EDA: variants seen among roughly 807,000 people sequenced by gnomAD.
EDA encodes ectodysplasin A.
EDA carries 2 observed loss-of-function variants against 23.6 expected under a neutral mutation model. The observed-to-expected ratio is 0.08, with a 90% CI of 0.03 to 0.27. EDA has a LOEUF of 0.27. EDA is among the 10% of genes least tolerant of loss of function. The probability of loss-of-function intolerance (pLI) is 1.00; values close to 1 mark genes in which losing one functional copy is unlikely to be tolerated. For missense variants in EDA, 229 were observed against 324.2 expected (o/e 0.71, Z 2.26); for synonymous variants, 131 against 132.0 (o/e 0.99, Z 0.05).
At chrX:69,970,783 G>A (rs1240638249) in intron 2 of EDA, among the ~76,000 whole-genome samples, 4 of 111,279 alleles carry the variant, frequency 3.6e-5, no homozygotes, top group Non-Finnish European at 7.5e-5. Context: ...TGCTGTCAAC[G>A]AAGTAGACCT....
chrX:69,982,261 C>T (rs1359578626), intron 2 of EDA, among the ~76,000 whole-genome samples: 1 of 111,735 alleles, frequency 8.9e-6, no homozygotes, highest in East Asian at 2.8e-4. Flanking sequence ...CTTACTTTTA[C>T]TTTACAGTAA....
At chrX:69,810,574 T>C (rs925140795) in intron 1 of EDA, among the ~76,000 whole-genome samples, 1 of 108,047 alleles carries the variant, frequency 9.3e-6, no homozygotes, top group African/African-American at 3.4e-5. Context: ...CTGGCCAACA[T>C]GGTGAAACCG....
At chrX:69,725,009 T>G (rs938624630) in intron 1 of EDA, among the ~76,000 whole-genome samples, 7 of 112,341 alleles carry the variant, frequency 6.2e-5, no homozygotes, top group Non-Finnish European at 9.4e-5. Flanking sequence ...GTCAGATAAC[T>G]CAAATATTTG....
At chrX:69,742,717 G>A (rs1236665090) in intron 1 of EDA, among the ~76,000 whole-genome samples, 1 of 110,780 alleles carries the variant, frequency 9.0e-6, no homozygotes, top group African/African-American at 3.3e-5. Context: ...TTGGTAATCA[G>A]CCAATACTCA....
At chrX:69,743,842 G>A (rs1327331059) in intron 1 of EDA, among the ~76,000 whole-genome samples, 1 of 111,706 alleles carries the variant, frequency 9.0e-6, no homozygotes, top group East Asian at 2.8e-4. Flanking sequence ...TTTTGGAAAT[G>A]TATTTCATTT....
At chrX:69,973,330 T>C (rs1053628066) in intron 2 of EDA, among the ~76,000 whole-genome samples, 1 of 111,274 alleles carries the variant, frequency 9.0e-6, no homozygotes, top group African/African-American at 3.3e-5. Flanking sequence ...AACTACAACC[T>C]CAAATGTCTT....
chrX:69,875,382 AG>A (rs1394037785), intron 1 of EDA, among the ~76,000 whole-genome samples: 1 of 112,078 alleles, frequency 8.9e-6, no homozygotes, highest in Non-Finnish European at 1.9e-5. Context: ...AAGTGGGGAA[AG>A]AACACCCTAT....
chrX:69,783,700 C>G (rs1038804695), intron 1 of EDA, among the ~76,000 whole-genome samples: 1 of 111,038 alleles, frequency 9.0e-6, no homozygotes, highest in Non-Finnish European at 1.9e-5. Context: ...TTGGACATTT[C>G]GGTTGGTTCC....
At chrX:69,717,602 C>T (rs1441915046) in intron 1 of EDA, among the ~76,000 whole-genome samples, 1 of 107,434 alleles carries the variant, frequency 9.3e-6, no homozygotes, top group East Asian at 2.9e-4. Flanking sequence ...TCATTGCAAG[C>T]TCTGCCTCCC....
intron 1 of EDA, among the ~76,000 whole-genome samples, chrX:69,712,089 A>G (rs1276780814): frequency 4.4e-4 from 48 of 109,993 alleles, no homozygotes; most frequent in East Asian, 2.0e-3. Context: ...GTGATGTTAG[A>G]GTGTCAATTT....
chrX:69,622,077 A>G, intron 1 of EDA, among the ~76,000 whole-genome samples: 1 of 111,480 alleles, frequency 9.0e-6, no homozygotes. Flanking sequence ...GTATTTTTGT[A>G]TATTATTTCG....
intron 1 of EDA, among the ~76,000 whole-genome samples, chrX:69,752,092 G>A (rs764050409): frequency 4.4e-4 from 49 of 111,006 alleles, no homozygotes; most frequent in Admixed American, 7.6e-4. Context: ...TGATTGCCCT[G>A]GCCAGAACTT....
intron 1 of EDA, among the ~76,000 whole-genome samples, chrX:69,764,187 T>C (rs2014395514): frequency 9.3e-6 from 1 of 107,468 alleles, no homozygotes; most frequent in Non-Finnish European, 1.9e-5. Flanking sequence ...CTTCCTGTCT[T>C]AGTTTTCTTC....
At chrX:69,868,080 A>G (rs1358541065) in intron 1 of EDA, among the ~76,000 whole-genome samples, 1 of 111,651 alleles carries the variant, frequency 9.0e-6, no homozygotes. Flanking sequence ...GCCTTGCTCC[A>G]AAATCCTAGA....
chrX:69,837,623 A>G (rs1010545447), intron 1 of EDA, among the ~76,000 whole-genome samples: 1 of 112,548 alleles, frequency 8.9e-6, no homozygotes, highest in Non-Finnish European at 1.9e-5. Flanking sequence ...AGAGTTGTCT[A>G]TGTGACAAGT....
intron 1 of EDA, among the ~76,000 whole-genome samples, chrX:69,819,176 T>C (rs749430403): frequency 8.9e-6 from 1 of 112,278 alleles, no homozygotes; most frequent in Non-Finnish European, 1.9e-5. Flanking sequence ...TGTCCCTTGA[T>C]GTTAAAAACT....
intron 1 of EDA, among the ~76,000 whole-genome samples, chrX:69,788,536 T>C (rs2015281373): frequency 8.9e-6 from 1 of 111,916 alleles, no homozygotes; most frequent in African/African-American, 3.2e-5. Flanking sequence ...TGCAGGTCTG[T>C]TGGAGTTCCT....
chrX:69,860,699 G>A (rs189988374), intron 1 of EDA, among the ~76,000 whole-genome samples: 14 of 111,204 alleles, frequency 1.3e-4, no homozygotes, highest in Admixed American at 5.7e-4. Context: ...TGATGATTAT[G>A]TGTCTTGGGG....
rs746861669 is a variant in EDA, at chrX:69,817,433, T to C, written c.397-139594T>C. ...AAAAGACACAGAAAGGCAAGCTAGA[T>C]AAAAAGCCAAGACCCATTAGTATGC... is the stretch of plus-strand genomic sequence containing the variant. On this transcript the variant is annotated intron_variant, in intron 1 of 7. Coordinates refer to ENST00000374552, the MANE Select transcript of EDA (RefSeq NM_001399.5). Among the ~76,000 whole-genome samples, 6 of 111,549 alleles carry C rather than the reference T, an allele frequency of 5.4e-5. No individual in the cohort carries two copies. In the East Asian group the frequency reaches 1.7e-3, roughly 32 times the overall value.
Sources: allele counts gnomAD v4.1 joint callset (sites outside exome capture counted in the v4.1 genomes callset), GRCh38; gene constraint gnomAD v4.1.1; transcripts MANE v1.5; gene names NCBI Gene and HGNC (gene_info 2026-07-23, HGNC 2026-07-21).